Variants in RYR3 observed in about 807,000 individuals in gnomAD.
The protein encoded by RYR3 is ryanodine receptor 3.
A neutral mutation model predicts 584.3 loss-of-function variants in RYR3; 207 were observed. That is an observed-to-expected ratio of 0.35 (90% confidence interval 0.32 to 0.40). The LOEUF (loss-of-function observed/expected upper bound fraction) is 0.40. Among genes scored for constraint, RYR3 ranks in the 10% least tolerant of loss-of-function variants. The pLI is 1.00. For missense variants in RYR3, 5,616 were observed against 6,089.2 expected, an observed-to-expected ratio of 0.92 and a Z score of 2.59; for synonymous variants, 2,416 against 2,248.5, an observed-to-expected ratio of 1.07 and a Z score of -2.11.
chr15:33,581,351 G>A (rs1273438162), intron 13 of RYR3, among the ~76,000 whole-genome samples, 157 bp from the exon 14 acceptor site: 1 of 151,968 alleles, frequency 6.6e-6, no homozygotes, highest in Non-Finnish European at 1.5e-5. Context: ...TTGTTTTTAG[G>A]AGGGAAAAAA....
At chr15:33,463,246 C>T (rs370104547) in intron 1 of RYR3, among the ~76,000 whole-genome samples, 10 of 152,214 alleles carry the variant, frequency 6.6e-5, no homozygotes, top group African/African-American at 2.4e-4. Flanking sequence ...CTGACCCTTG[C>T]TACCTCTGAG....
intron 2 of RYR3, among the ~76,000 whole-genome samples, chr15:33,490,159 T>C (rs1388576159): frequency 6.6e-6 from 1 of 152,222 alleles, no homozygotes; most frequent in Non-Finnish European, 1.5e-5. Flanking sequence ...CTCAAGGCAT[T>C]CCAGGATTTT....
At chr15:33,789,658 ATTTTTTTTTTTTTTTT>A (rs869151934) in intron 67 of RYR3, among the ~76,000 whole-genome samples, 7 of 12,770 alleles carry the variant, frequency 5.5e-4, no homozygotes, top group East Asian at 4.8e-3. Flanking sequence ...ATATATATAT[ATTTTTTTTTTTTTTTT>A]TTTTTTTTTT....
chr15:33,473,069 A>G (rs926657955), intron 1 of RYR3, among the ~76,000 whole-genome samples: 11 of 151,982 alleles, frequency 7.2e-5, no homozygotes, highest in African/African-American at 2.4e-4. Flanking sequence ...GTTTTATTCT[A>G]TATTTGGAGA....
intron 36 of RYR3, among the ~76,000 whole-genome samples, chr15:33,666,428 C>A (rs780330644): frequency 1.3e-5 from 2 of 152,138 alleles, no homozygotes; most frequent in Non-Finnish European, 2.9e-5. Context: ...GGACACTTAC[C>A]GCTATGAGAT....
chr15:33,650,355 A>G (rs975895413), intron 31 of RYR3, among the ~76,000 whole-genome samples: 1 of 152,130 alleles, frequency 6.6e-6, no homozygotes, highest in Non-Finnish European at 1.5e-5. Context: ...CCATCCTGGC[A>G]ACAGAGCAAG....
At chr15:33,507,955 C>T (rs554750290) in intron 3 of RYR3, among the ~76,000 whole-genome samples, 65 of 152,286 alleles carry the variant, frequency 4.3e-4, no homozygotes, top group African/African-American at 1.5e-3. Flanking sequence ...TCCTGTTATA[C>T]GGATCCTTCA....
At chr15:33,850,739 CAA>C (rs1005911162) in intron 94 of RYR3, 3 of 151,758 alleles carry the variant, frequency 2.0e-5, no homozygotes, top group Non-Finnish European at 4.4e-5. Flanking sequence ...AATTATAAAC[CAA>C]AAAGGTTAAA....
intron 67 of RYR3, among the ~76,000 whole-genome samples, chr15:33,793,016 C>T (rs1389064559): frequency 6.6e-6 from 1 of 152,212 alleles, no homozygotes; most frequent in East Asian, 1.9e-4. Flanking sequence ...AGGCTGCTCA[C>T]ACTTCTGCCC....
chr15:33,521,304 CTG>C (rs2053964771), intron 3 of RYR3, among the ~76,000 whole-genome samples: 1 of 152,186 alleles, frequency 6.6e-6, no homozygotes, highest in South Asian at 2.1e-4. Flanking sequence ...ATGCCTGTGA[CTG>C]AGAATTTACA....
chr15:33,415,162 A>G (rs1470421028), intron 1 of RYR3, among the ~76,000 whole-genome samples: 1 of 152,176 alleles, frequency 6.6e-6, no homozygotes, highest in Non-Finnish European at 1.5e-5. Context: ...AAGAATGACA[A>G]CTTTTTATTG....
At chr15:33,680,323 A>G (rs532128897) in intron 38 of RYR3, among the ~76,000 whole-genome samples, 1 of 152,342 alleles carries the variant, frequency 6.6e-6, no homozygotes, top group African/African-American at 2.4e-5. Flanking sequence ...AGGAAGCCCA[A>G]CTCAGGTAGA....
chr15:33,629,395 C>T (rs2061159384), intron 21 of RYR3, among the ~76,000 whole-genome samples: 1 of 152,178 alleles, frequency 6.6e-6, no homozygotes, highest in Non-Finnish European at 1.5e-5. Context: ...AGTAAAATAT[C>T]TCATAAATAA....
intron 102 of RYR3, among the ~76,000 whole-genome samples, chr15:33,861,815 TTTTTTG>T (rs1387464293): frequency 3.9e-5 from 6 of 151,978 alleles, no homozygotes; most frequent in African/African-American, 7.2e-5. Flanking sequence ...CATACTGCCT[TTTTTTG>T]TTTTTGTTGG....
intron 1 of RYR3, among the ~76,000 whole-genome samples, chr15:33,416,214 A>G (rs1181302960): frequency 6.6e-6 from 1 of 152,214 alleles, no homozygotes; most frequent in Admixed American, 6.5e-5. Context: ...CTTTGGATAT[A>G]TATCCAGCAA....
At chr15:33,668,164 G>A (rs76989874) in intron 36 of RYR3, among the ~76,000 whole-genome samples, 4 of 134,660 alleles carry the variant, frequency 3.0e-5, no homozygotes, top group Admixed American at 7.6e-5. Context: ...AAAAAAAAAA[G>A]AAATCAGCCG....
chr15:33,452,561 A>G (rs2047219450), intron 1 of RYR3, among the ~76,000 whole-genome samples: 1 of 152,224 alleles, frequency 6.6e-6, no homozygotes, highest in Non-Finnish European at 1.5e-5. Flanking sequence ...AGATCATAAC[A>G]AAATGCCAAT....
chr15:33,863,462 C>CAACT (rs1162767591), intron 102 of RYR3, among the ~76,000 whole-genome samples: 1 of 152,116 alleles, frequency 6.6e-6, no homozygotes, highest in Non-Finnish European at 1.5e-5. Context: ...CTCATATCAC[C>CAACT]AACTTCACAA....
At chr15:33,636,088 A>G (rs1210146605) in intron 26 of RYR3, among the ~76,000 whole-genome samples, 1 of 152,200 alleles carries the variant, frequency 6.6e-6, no homozygotes, top group African/African-American at 2.4e-5. Context: ...CAGAGGTGAC[A>G]TAAAGATCAC....
Sources: allele counts gnomAD v4.1 joint callset (sites outside exome capture counted in the v4.1 genomes callset), GRCh38; gene constraint gnomAD v4.1.1; transcripts MANE v1.5; gene names NCBI Gene and HGNC (gene_info 2026-07-23, HGNC 2026-07-21).